MCM9: variants seen among roughly 807,000 people sequenced by gnomAD.
The protein encoded by MCM9 is DNA helicase MCM9.
In MCM9, 55 loss-of-function variants were observed where a neutral mutation model predicts 72.8. The ratio of observed to expected loss-of-function variants is 0.76; its 90% CI spans 0.61 to 0.95. MCM9 has a LOEUF of 0.95. MCM9 is among the 40% of genes least tolerant of loss of function. The pLI is 0.00. For missense variants in MCM9, 1,279 were observed against 1,377.0 expected, an observed-to-expected ratio of 0.93 and a Z score of 1.13; for synonymous variants, 480 against 503.4, an observed-to-expected ratio of 0.95 and a Z score of 0.62.
At chr6:118,880,268 T>C (rs1033221185) in intron 8 of MCM9, among the ~76,000 whole-genome samples, 7 of 152,122 alleles carry the variant, frequency 4.6e-5, no homozygotes, top group Admixed American at 6.5e-5. Flanking sequence ...CAAAAGAAAT[T>C]AACTGAGACT....
chr6:118,897,210 C>T (rs1380091422), intron 8 of MCM9, among the ~76,000 whole-genome samples: 1 of 152,078 alleles, frequency 6.6e-6, no homozygotes, highest in Non-Finnish European at 1.5e-5. Context: ...AGAGTTTGGC[C>T]ACCGTTTTTC....
intron 8 of MCM9, among the ~76,000 whole-genome samples, chr6:118,902,533 T>TG (rs1262307250): frequency 6.6e-6 from 1 of 150,926 alleles, no homozygotes; most frequent in African/African-American, 2.4e-5. Context: ...TAATACTTTT[T>TG]TTTTTTTTTT....
chr6:118,913,767 TG>T (rs1182519204), intron 6 of MCM9, among the ~76,000 whole-genome samples: 1 of 151,976 alleles, frequency 6.6e-6, no homozygotes, highest in Non-Finnish European at 1.5e-5. Context: ...GCCCAGCTAA[TG>T]TTTTTTTTCT....
At position 118,815,196 on chromosome 6, in the gene MCM9, T is replaced by G. The variant is rs1180179394; in HGVS notation, c.3060A>C (p.Leu1020Phe). The G allele has an allele frequency of 6.4e-7, 1 of 1,550,542 alleles. No homozygotes were observed. The highest frequency in any genetic ancestry group is 8.7e-7 in the Non-Finnish European group (1 of 1,146,992). ...CACACCCAGTCTCGTTCCCAAGCTC[T>G]AATTCAGGCTGAATAATCCTCTTCT... The part of the protein sequence containing the change: ...APEKRIIQPE[L>F]ELGNETGCAH... The change falls in exon 14 of 14, where the codon TTA (leucine) becomes TTC (phenylalanine). Residue 1020 changes from leucine (L) to phenylalanine (F), a missense_variant. By Grantham distance (22) the Leu-to-Phe change is conservative. Transcript: ENST00000619706.
At chr6:118,868,589 T>C (rs1777375016) in intron 8 of MCM9, among the ~76,000 whole-genome samples, 1 of 151,594 alleles carries the variant, frequency 6.6e-6, no homozygotes, top group Admixed American at 6.6e-5. Context: ...AAAAACCCCA[T>C]CAAAAAGCGG....
intron 9 of MCM9, among the ~76,000 whole-genome samples, chr6:118,852,557 A>G (rs1353237508): frequency 2.0e-5 from 3 of 152,208 alleles, no homozygotes; most frequent in Non-Finnish European, 4.4e-5. Flanking sequence ...ATGTAGGTAT[A>G]CTGTCCTGAC....
At chr6:118,820,296 T>A (rs1291950818) in intron 13 of MCM9, among the ~76,000 whole-genome samples, 1 of 152,234 alleles carries the variant, frequency 6.6e-6, no homozygotes, top group Non-Finnish European at 1.5e-5. Flanking sequence ...GCTTTAGCTG[T>A]GTCCCAGAGA....
chr6:118,930,658 AACTT>A (rs1211468916), intron 3 of MCM9, among the ~76,000 whole-genome samples: 1 of 152,230 alleles, frequency 6.6e-6, no homozygotes, highest in Non-Finnish European at 1.5e-5. Flanking sequence ...GAGATAAAAT[AACTT>A]ACTAAGTCTC....
intron 8 of MCM9, among the ~76,000 whole-genome samples, chr6:118,886,755 A>AC (rs1778633234): frequency 6.6e-6 from 1 of 152,090 alleles, no homozygotes; most frequent in South Asian, 2.1e-4. Flanking sequence ...GGAGTTTGAG[A>AC]CCAGCTTGGG....
chr6:118,888,442 A>G (rs1041542739), intron 8 of MCM9, among the ~76,000 whole-genome samples: 5 of 152,260 alleles, frequency 3.3e-5, no homozygotes, highest in South Asian at 4.1e-4. Flanking sequence ...AGCCGAGATC[A>G]CGCCACTGCA....
intron 9 of MCM9, among the ~76,000 whole-genome samples, chr6:118,836,697 T>C (rs977875901): frequency 6.6e-6 from 1 of 152,174 alleles, no homozygotes; most frequent in Non-Finnish European, 1.5e-5. Context: ...TGATATCCCC[T>C]TTATCATTTT....
intron 9 of MCM9, among the ~76,000 whole-genome samples, chr6:118,841,992 G>A (rs994164541): frequency 3.3e-5 from 5 of 151,992 alleles, no homozygotes; most frequent in African/African-American, 1.2e-4. Flanking sequence ...ATGCCACCAC[G>A]CCCAGGTACT....
In MCM9 at chr6:118,815,902, T is replaced by C. The variant is rs200309730; in HGVS notation, c.2354A>G (p.Glu785Gly). Reference sequence around the variant, plus strand: ...GCTCCTTTGGCCTGGCTCACTCTTCTCCTTACCCTGAGATGTGCTGTTAGA... The same window carrying C: ...GCTCCTTTGGCCTGGCTCACTCTTCCCCTTACCCTGAGATGTGCTGTTAGA... The part of the protein sequence containing the change: ...KISNSTSQGK[E>G]KSEPGQRSKV... The change falls in exon 14 of 14, where the codon GAG becomes GGG. Residue 785 changes from glutamate (E) to glycine (G), a missense_variant. By Grantham distance (98) the Glu-to-Gly change is moderately conservative (BLOSUM62 -2). Transcript: ENST00000619706. The C allele has an allele frequency of 3.7e-4, 567 of 1,545,638 alleles. No individual in the cohort carries two copies. Among genetic ancestry groups the C allele is most frequent in the Non-Finnish European group, 4.6e-4 (532 of 1,146,884 alleles).
chr6:118,903,143 T>C (rs1192680651), intron 8 of MCM9, among the ~76,000 whole-genome samples: 1 of 152,176 alleles, frequency 6.6e-6, no homozygotes, highest in Non-Finnish European at 1.5e-5. Flanking sequence ...AGAACCAATT[T>C]ACTGAAGGGA....
intron 8 of MCM9, among the ~76,000 whole-genome samples, chr6:118,879,783 C>A (rs1300008125): frequency 6.6e-6 from 1 of 150,748 alleles, no homozygotes; most frequent in Non-Finnish European, 1.5e-5. Context: ...GTGGCTAATG[C>A]CTGTAATCCC....
intron 9 of MCM9, among the ~76,000 whole-genome samples, chr6:118,853,798 C>CAAAAATTTA (rs1275411086): frequency 3.9e-5 from 6 of 152,022 alleles, no homozygotes; most frequent in Non-Finnish European, 5.9e-5. Context: ...GACTCTGTCT[C>CAAAAATTTA]AAAAACAAAT....
chr6:118,839,841 T>C (rs969812314), intron 9 of MCM9, among the ~76,000 whole-genome samples: 4 of 152,156 alleles, frequency 2.6e-5, no homozygotes, highest in Admixed American at 2.0e-4. Flanking sequence ...AGAGCTGTCC[T>C]GTATGAGGTG....
chr6:118,920,983 A>C (rs1313803937), intron 5 of MCM9: 1 of 152,256 alleles, frequency 6.6e-6, no homozygotes, highest in Non-Finnish European at 1.5e-5. Context: ...GTTGACAGGG[A>C]CAAAGGAGAA....
rs1774367949 is a variant in MCM9 at position 118,829,189 on chromosome 6, A to G, written c.1387T>C (p.Tyr463His). The G allele has an allele frequency of 6.4e-7, 1 of 1,550,600 alleles. No individual in the cohort carries two copies. The highest frequency in any genetic ancestry group is 2.0e-5 in the Admixed American group (1 of 50,966). ...ACAGACACGGACTCCTGGGGGTCGT[A>G]CTGGCCTTTGGGGTTCGTTGCTGCC... is the stretch of plus-strand genomic sequence containing the variant. ...ILAATNPKGQ[Y>H]DPQESVSVNI... is the part of the protein sequence containing the mutation. Residue 463 changes from tyrosine to histidine, a missense_variant, in exon 10 of 14, where the codon TAC becomes CAC. Physicochemically the swap from Tyr to His is moderately conservative, Grantham distance 83. Transcript: ENST00000619706.
Sources: allele counts gnomAD v4.1 joint callset (sites outside exome capture counted in the v4.1 genomes callset), GRCh38; gene constraint gnomAD v4.1.1; transcripts MANE v1.5; gene names NCBI Gene and HGNC (gene_info 2026-07-23, HGNC 2026-07-21).